Variants in CEBPZ observed in about 807,000 individuals in gnomAD.
The protein encoded by CEBPZ is CCAAT/enhancer-binding protein zeta.
A neutral mutation model predicts 104.5 loss-of-function variants in CEBPZ; 78 were observed. The observed-to-expected ratio is 0.75, with a 90% CI of 0.62 to 0.90. CEBPZ has a LOEUF of 0.90. Ranked by LOEUF, CEBPZ falls within the 40% of genes least tolerant of loss-of-function variation. CEBPZ has a pLI of 0.00. For synonymous variants in CEBPZ, 470 were observed against 427.0 expected (o/e 1.10, Z -1.24); for missense variants, 1,439 against 1,233.5 (o/e 1.17, Z -2.50).
Position 37,228,615 on chromosome 2 carries a change from G to A in CEBPZ, c.578C>T (p.Ser193Phe), listed in dbSNP as rs201042392. 1.2e-6 allele frequency: 2 copies of A among 1,614,178 alleles called. No homozygotes were observed. The highest frequency in any genetic ancestry group is 1.1e-5 in the South Asian group (1 of 91,082). Reference sequence around the variant, plus strand: ...AACATCCTGAGGCTGGGGTTTCAAAGAATATTCATTGCTGTACTCCAGATC... The same window carrying A: ...AACATCCTGAGGCTGGGGTTTCAAAAAATATTCATTGCTGTACTCCAGATC... The part of the protein sequence containing the change: ...WYDLEYSNEY[S>F]LKPQPQDVVS... Residue 193 changes from serine (S) to phenylalanine (F), a missense_variant, in exon 2 of 16, where the codon TCT becomes TTT. Ser to Phe is a radical substitution (Grantham distance 155, BLOSUM62 -2). Coordinates refer to ENST00000234170, the MANE Select transcript of CEBPZ (RefSeq NM_005760.3).
intron 2 of CEBPZ, 36 bp from the exon 3 acceptor site, chr2:37,223,437 A>G (rs752010979): frequency 9.0e-6 from 14 of 1,560,690 alleles, no homozygotes; most frequent in South Asian, 2.2e-5. Context: ...ATTTATGTAT[A>G]AAACCATCTC....
At position 37,231,484 on chromosome 2, in the gene CEBPZ, C is replaced by T. The variant is rs138749844; in HGVS notation, c.84G>A (p.Glu28=). Residue 28 remains glutamate (E), a synonymous_variant, in exon 1 of 16, where the codon GAG becomes GAA. Coordinates refer to ENST00000234170, the MANE Select transcript of CEBPZ (RefSeq NM_005760.3). ...CGGCTTCACTAGTATTATCCTCATC[C>T]TCCTCGTCCGGATCTTCTACTGCCT... ...PEEAVEDPDE[E]DEDNTSEAEN... 981 of 1,614,250 alleles carry T rather than the reference C, an allele frequency of 6.1e-4. 6 individuals carry two copies. In the African/African-American group the frequency reaches 0.012, roughly 19 times the overall value.
intron 10 of CEBPZ, among the ~76,000 whole-genome samples, chr2:37,212,844 A>AC (rs1677767147): frequency 6.7e-6 from 1 of 149,736 alleles, no homozygotes; most frequent in African/African-American, 2.5e-5. Context: ...TTAAAAAAAA[A>AC]AAAAAAACAA....
At chr2:37,209,198 T>C (rs969529678) in intron 13 of CEBPZ, 5 of 152,128 alleles carry the variant, frequency 3.3e-5, no homozygotes, top group African/African-American at 1.2e-4. Flanking sequence ...AGAATCGATA[T>C]TGTGAAAATG....
chr2:37,223,287 C>A lies in CEBPZ; in HGVS notation c.1764G>T (p.Lys588Asn). The part of the protein sequence containing the change: ...IVLRRVKAFV[K>N]RLLQVTCQQM... ...GTTGACAAGTAACTTGAAGTAACCT[C>A]TTCACAAAAGCCTTCACCCGGCGCA... is the stretch of plus-strand genomic sequence containing the variant. Residue 588 changes from lysine (K) to asparagine (N), a missense_variant, in exon 3 of 16, where the codon AAG becomes AAT. By Grantham distance (94) the Lys-to-Asn change is moderately conservative. Transcript: ENST00000234170. 6.2e-7 allele frequency: 1 copy of A among 1,614,162 alleles called. No homozygotes were observed.
chr2:37,218,974 T>C (rs978104627), intron 5 of CEBPZ, among the ~76,000 whole-genome samples: 1 of 152,234 alleles, frequency 6.6e-6, no homozygotes, highest in African/African-American at 2.4e-5. Context: ...AACAATCACA[T>C]TGTTAGAACC....
Position 37,212,841 on chromosome 2 carries a change from A to C in CEBPZ, c.2546-449T>G, listed in dbSNP as rs1222306942. Among the ~76,000 whole-genome samples the C allele has an allele frequency of 8.0e-5, 12 of 150,174 alleles. No homozygotes were observed. The East Asian group carries it at 1.6e-3, about 19-fold the overall frequency. On this transcript the variant is annotated intron_variant, in intron 10 of 15. Coordinates refer to ENST00000234170, the MANE Select transcript of CEBPZ (RefSeq NM_005760.3). ...GGCAAGACCCTATCTCTATTAAAAA[A>C]AAAAAAAAAACAAAAACAACAACAA...
At chr2:37,216,253 A>G (rs371823816) in intron 7 of CEBPZ, 45 bp from the exon 8 acceptor site, 2 of 1,601,106 alleles carry the variant, frequency 1.2e-6, no homozygotes, top group Non-Finnish European at 1.7e-6. Context: ...CCTAGTTATA[A>G]GCTCATATTG....
At chr2:37,210,859 C>A in intron 13 of CEBPZ, 140 bp downstream of exon 13, 1 of 484,306 alleles carries the variant, frequency 2.1e-6, no homozygotes, top group South Asian at 4.0e-5. Flanking sequence ...AAATAATTTC[C>A]ACTTAACATC....
At chr2:37,231,161 C>G (rs1665077881) in intron 1 of CEBPZ, 2 of 664,072 alleles carry the variant, frequency 3.0e-6, no homozygotes, top group Admixed American at 4.1e-5. Flanking sequence ...GGTTATACCA[C>G]GTCAATAAAA....
chr2:37,228,605 G>C lies in CEBPZ; in HGVS notation c.588C>G (p.Pro196=). 1 of 1,614,128 alleles carries C rather than the reference G, an allele frequency of 6.2e-7. No individual in the cohort carries two copies. The highest frequency in any genetic ancestry group is 8.5e-7 in the Non-Finnish European group (1 of 1,180,020). ...LEYSNEYSLK[P]QPQDVVSKYK... is the part of the protein sequence containing the mutation. ...ACTTAGATACAACATCCTGAGGCTG[G>C]GGTTTCAAAGAATATTCATTGCTGT... Residue 196 remains proline (P), a synonymous_variant, in exon 2 of 16, where the codon CCC becomes CCG. Coordinates refer to ENST00000234170, the MANE Select transcript of CEBPZ (RefSeq NM_005760.3).
intron 13 of CEBPZ, among the ~76,000 whole-genome samples, chr2:37,205,455 GAAC>G (rs951568705): frequency 1.6e-4 from 25 of 152,102 alleles, no homozygotes; most frequent in Admixed American, 1.3e-4. Flanking sequence ...GCCAGGCAGA[GAAC>G]AACCCCCTTT....
chr2:37,212,643 A>G (rs1339769594), intron 10 of CEBPZ: 2 of 504,830 alleles, frequency 4.0e-6, no homozygotes, highest in African/African-American at 1.9e-5. Flanking sequence ...TCTTTTATGG[A>G]AAGAGGATAA....
intron 3 of CEBPZ, among the ~76,000 whole-genome samples, chr2:37,222,819 GC>G (rs1664803285): frequency 6.6e-6 from 1 of 152,130 alleles, no homozygotes; most frequent in African/African-American, 2.4e-5. Context: ...AAAACAATTA[GC>G]CCTCAAGTAA....
chr2:37,226,781 C>T (rs1282327926), intron 2 of CEBPZ, among the ~76,000 whole-genome samples: 1 of 152,138 alleles, frequency 6.6e-6, no homozygotes, highest in Non-Finnish European at 1.5e-5. Flanking sequence ...ATATTAATTT[C>T]TTGAACACAG....
chr2:37,213,814 T>G, intron 10 of CEBPZ, 50 bp downstream of exon 10: 1 of 1,253,648 alleles, frequency 8.0e-7, no homozygotes, highest in East Asian at 2.4e-5. Context: ...CCATGGTCTA[T>G]TAACACATAG....
rs779588446 is a variant in CEBPZ, at chr2:37,228,507, C to G, written c.686G>C (p.Gly229Ala). The change falls in exon 2 of 16, where the codon GGA (glycine) becomes GCA (alanine). Residue 229 changes from glycine to alanine, a missense_variant. Transcript: ENST00000234170. Reference protein sequence around the residue: ...LFKSKTNSQKGASSTWMKAIV... With the variant: ...LFKSKTNSQKAASSTWMKAIV... ...TGCCTTCATCCAGGTAGAAGAGGCTCCCTTTTGACTATTCGTCTTACTTTT... is the reference window on the plus strand; with the variant it reads ...TGCCTTCATCCAGGTAGAAGAGGCTGCCTTTTGACTATTCGTCTTACTTTT... The G allele has an allele frequency of 6.2e-6, 10 of 1,614,054 alleles. No individual in the cohort carries two copies. The Admixed American group carries it at 1.7e-4, about 27-fold the overall frequency.
At chr2:37,219,995 C>G (rs988179081) in intron 5 of CEBPZ, among the ~76,000 whole-genome samples, 1 of 152,064 alleles carries the variant, frequency 6.6e-6, no homozygotes, top group East Asian at 1.9e-4. Flanking sequence ...AAAACAAAAA[C>G]TTCAAGGCAT....
At position 37,223,277 on chromosome 2, in the gene CEBPZ, G is replaced by A. The variant is rs755655933; in HGVS notation, c.1774C>T (p.Gln592Ter). 13 of 1,614,118 alleles carry A rather than the reference G, an allele frequency of 8.1e-6. No homozygotes were observed. Among genetic ancestry groups the A allele is most frequent in the Non-Finnish European group, 1.1e-5 (13 of 1,180,018 alleles). The change falls in exon 3 of 16, where the codon CAA (glutamine) becomes TAA (stop). Residue 592 changes from glutamine (Q) to a stop codon, truncating the protein, a stop_gained. Coordinates refer to ENST00000234170, the MANE Select transcript of CEBPZ (RefSeq NM_005760.3). LOFTEE classifies it high-confidence loss of function. ...RVKAFVKRLLQVTCQQMPPFI... is the reference protein window; with the variant it reads ...RVKAFVKRLL ...GGTGGCATCTGTTGACAAGTAACTT[G>A]AAGTAACCTCTTCACAAAAGCCTTC...
Sources: allele counts gnomAD v4.1 joint callset (sites outside exome capture counted in the v4.1 genomes callset), GRCh38; gene constraint gnomAD v4.1.1; transcripts MANE v1.5; gene names NCBI Gene and HGNC (gene_info 2026-07-23, HGNC 2026-07-21).